Variants in GALNT17 observed in about 807,000 individuals in gnomAD.
The protein encoded by GALNT17 is UDP-GalNAc:polypeptide N-acetylgalactosaminyltransferase-like 3.
Under a neutral mutation model 63.7 loss-of-function variants are expected in GALNT17, and 29 were observed. The observed-to-expected ratio is 0.46, with a 90% CI of 0.34 to 0.62. GALNT17 has a LOEUF of 0.62. Ranked by LOEUF, GALNT17 falls within the 20% of genes least tolerant of loss-of-function variation. The pLI, the probability that GALNT17 is intolerant of heterozygous loss-of-function variation, is 0.01. For missense variants in GALNT17, 603 were observed against 799.6 expected, an observed-to-expected ratio of 0.75 and a Z score of 2.97; for synonymous variants, 305 against 318.3, an observed-to-expected ratio of 0.96 and a Z score of 0.45.
At chr7:71,510,332 C>A (rs1414302351) in intron 5 of GALNT17, among the ~76,000 whole-genome samples, 2 of 152,190 alleles carry the variant, frequency 1.3e-5, no homozygotes, top group East Asian at 3.8e-4. Flanking sequence ...ATTTTCATTA[C>A]CTCAGAAAGA....
At chr7:71,521,434 C>T (rs1479304388) in intron 5 of GALNT17, among the ~76,000 whole-genome samples, 1 of 152,142 alleles carries the variant, frequency 6.6e-6, no homozygotes, top group Non-Finnish European at 1.5e-5. Context: ...TCCTGGACTA[C>T]AAAAGATTTG....
intron 9 of GALNT17, among the ~76,000 whole-genome samples, chr7:71,689,541 A>G (rs1298362474): frequency 6.6e-6 from 1 of 152,234 alleles, no homozygotes; most frequent in South Asian, 2.1e-4. Flanking sequence ...GAAGGCTGAA[A>G]GAAGTGAGGA....
intron 5 of GALNT17, among the ~76,000 whole-genome samples, chr7:71,477,812 C>T (rs1482149115): frequency 1.3e-5 from 2 of 152,116 alleles, no homozygotes; most frequent in Non-Finnish European, 2.9e-5. Flanking sequence ...GTGCCTAAGC[C>T]CACCCTTCCC....
intron 1 of GALNT17, among the ~76,000 whole-genome samples, chr7:71,225,449 G>A (rs769781561): frequency 5.9e-5 from 9 of 152,190 alleles, no homozygotes; most frequent in Admixed American, 2.0e-4. Context: ...TACATTGCAC[G>A]TTGCTTCTTT....
At chr7:71,523,150 G>A (rs1427070413) in intron 5 of GALNT17, among the ~76,000 whole-genome samples, 1 of 152,246 alleles carries the variant, frequency 6.6e-6, no homozygotes, top group East Asian at 1.9e-4. Context: ...TAGGAGCCAG[G>A]TGCAGTGGCT....
intron 3 of GALNT17, 103 bp downstream of exon 3, chr7:71,388,504 A>G: frequency 7.2e-7 from 1 of 1,381,514 alleles, no homozygotes; most frequent in Middle Eastern, 2.2e-4. Context: ...TGGTCCCTGG[A>G]GCATATCTGG....
At chr7:71,250,200 A>G (rs1268352014) in intron 1 of GALNT17, among the ~76,000 whole-genome samples, 9 of 152,182 alleles carry the variant, frequency 5.9e-5, no homozygotes, top group African/African-American at 1.9e-4. Context: ...TGAGGTAACA[A>G]ATTAAGTACG....
chr7:71,215,687 A>G (rs887749329), intron 1 of GALNT17, among the ~76,000 whole-genome samples: 1 of 152,074 alleles, frequency 6.6e-6, no homozygotes, highest in African/African-American at 2.4e-5. Context: ...AATGTCGGAT[A>G]TTATATCCTG....
At chr7:71,490,416 G>A (rs1356253708) in intron 5 of GALNT17, among the ~76,000 whole-genome samples, 3 of 152,072 alleles carry the variant, frequency 2.0e-5, no homozygotes, top group Non-Finnish European at 4.4e-5. Context: ...TCCTATCAGG[G>A]GCATTTAGCC....
At chr7:71,258,055 G>A (rs1053516792) in intron 1 of GALNT17, among the ~76,000 whole-genome samples, 56 of 152,100 alleles carry the variant, frequency 3.7e-4, no homozygotes, top group Admixed American at 1.8e-3. Flanking sequence ...GAATTGAGAC[G>A]GGATGGATCA....
chr7:71,316,244 A>G lies in GALNT17; in HGVS notation c.239-19306A>G, dbSNP rs1583855472. Among the ~76,000 whole-genome samples the G allele has an allele frequency of 2.3e-5, 3 of 129,556 alleles. No individual in the cohort carries two copies. The East Asian group carries it at 6.0e-4, about 26-fold the overall frequency. 85.0% of individuals were successfully genotyped at this position (129,556 alleles called of 152,430 possible). A position where few individuals can be genotyped will look rare whatever the true frequency, so the allele number is the denominator to read the frequency against. Reference sequence around the variant, plus strand: ...ATCTGTGGGTCTGATCAGGATCCTGATCTGTGGGTCTGATCAGGATCCTGA... The same window carrying G: ...ATCTGTGGGTCTGATCAGGATCCTGGTCTGTGGGTCTGATCAGGATCCTGA... On this transcript the variant is annotated intron_variant, in intron 1 of 10. Transcript: ENST00000333538.
At chr7:71,190,284 G>A (rs905946365) in intron 1 of GALNT17, among the ~76,000 whole-genome samples, 2 of 152,184 alleles carry the variant, frequency 1.3e-5, no homozygotes, top group Non-Finnish European at 2.9e-5. Context: ...GGCCTGGAGG[G>A]AGCTGTTTGG....
intron 5 of GALNT17, among the ~76,000 whole-genome samples, chr7:71,449,005 T>C (rs1787208983): frequency 6.6e-6 from 1 of 151,880 alleles, no homozygotes. Context: ...ATGGATTCCA[T>C]TTGTTAAAGT....
At chr7:71,265,098 T>TTTTATATATATATATG (rs144493671) in intron 1 of GALNT17, among the ~76,000 whole-genome samples, 1 of 78,384 alleles carries the variant, frequency 1.3e-5, no homozygotes, top group African/African-American at 4.6e-5. Context: ...CCCATAAATA[T>TTTTATATATATATATG]TATATATATA....
chr7:71,212,718 G>T lies in GALNT17; in HGVS notation c.238+79678G>T, dbSNP rs373523602. On this transcript the variant is annotated intron_variant, in intron 1 of 10. Coordinates refer to ENST00000333538, the MANE Select transcript of GALNT17 (RefSeq NM_022479.3). ...GTGTGACCTGGATGTGAGACCTGGA[G>T]TCAAAGGAGAGAGATCATTTGGAGC... Among the ~76,000 whole-genome samples, 10 of 152,304 alleles carry T rather than the reference G, an allele frequency of 6.6e-5. No individual in the cohort carries two copies. The East Asian group carries it at 1.9e-3, about 29-fold the overall frequency.
intron 6 of GALNT17, among the ~76,000 whole-genome samples, chr7:71,587,834 T>C (rs911429749): frequency 1.3e-5 from 2 of 152,214 alleles, no homozygotes; most frequent in Admixed American, 6.5e-5. Context: ...ATAATGCCTG[T>C]AACTGATGAA....
intron 1 of GALNT17, among the ~76,000 whole-genome samples, chr7:71,230,978 C>G (rs565025006): frequency 2.0e-5 from 3 of 151,872 alleles, no homozygotes; most frequent in Non-Finnish European, 4.4e-5. Context: ...CTGAACAAGC[C>G]CTCTGGGTAA....
At chr7:71,250,633 A>G (rs932471182) in intron 1 of GALNT17, among the ~76,000 whole-genome samples, 2 of 152,178 alleles carry the variant, frequency 1.3e-5, no homozygotes, top group African/African-American at 4.8e-5. Context: ...TTCCCCTCGA[A>G]CAAGGTTTTC....
At chr7:71,404,116 C>T (rs73362011) in intron 3 of GALNT17, among the ~76,000 whole-genome samples, 6,852 of 152,130 alleles carry the variant, frequency 0.045, 551 homozygotes, top group African/African-American at 0.16. Flanking sequence ...ATAGCTTATG[C>T]GTACTATGAT....
Sources: allele counts gnomAD v4.1 joint callset (sites outside exome capture counted in the v4.1 genomes callset), GRCh38; gene constraint gnomAD v4.1.1; transcripts MANE v1.5; gene names NCBI Gene and HGNC (gene_info 2026-07-23, HGNC 2026-07-21).